The following CDC14B variants were observed in gnomAD, a reference collection of about 807,000 sequenced individuals.
The protein encoded by CDC14B is cell division cycle 14B, also known as dual specificity protein phosphatase CDC14B.
Under a neutral mutation model 64.2 loss-of-function variants are expected in CDC14B, and 22 were observed. The observed-to-expected ratio is 0.34, with a 90% CI of 0.24 to 0.49. The LOEUF (loss-of-function observed/expected upper bound fraction) is 0.49. CDC14B is among the 20% of genes least tolerant of loss of function. The pLI is 0.99. For missense variants in CDC14B, 498 were observed against 629.9 expected (o/e 0.79, Z 2.24); for synonymous variants, 191 against 215.8 (o/e 0.89, Z 1.01).
At chr9:96,539,333 A>T (rs1045023991) in intron 6 of CDC14B, among the ~76,000 whole-genome samples, 193 bp from the exon 7 acceptor site, 23 of 152,152 alleles carry the variant, frequency 1.5e-4, no homozygotes, top group African/African-American at 5.3e-4. Context: ...AATTAATTAT[A>T]ACTATATGTA....
chr9:96,614,496 TA>T (rs2119062056), intron 1 of CDC14B, among the ~76,000 whole-genome samples: 1 of 152,034 alleles, frequency 6.6e-6, no homozygotes, highest in East Asian at 1.9e-4. Flanking sequence ...TCAGAAATTT[TA>T]AAAATAAAAA....
chr9:96,558,564 A>G (rs1482628972), intron 4 of CDC14B, among the ~76,000 whole-genome samples: 4 of 152,230 alleles, frequency 2.6e-5, no homozygotes, highest in African/African-American at 9.6e-5. Context: ...GATTTTTTAA[A>G]TTTCTCAAGA....
chr9:96,553,008 A>T (rs975738425), intron 4 of CDC14B, among the ~76,000 whole-genome samples: 2 of 152,260 alleles, frequency 1.3e-5, no homozygotes, highest in African/African-American at 4.8e-5. Context: ...TGTTTCCACA[A>T]CCAAATGTGA....
chr9:96,588,060 T>C (rs932655170), intron 1 of CDC14B, among the ~76,000 whole-genome samples: 3 of 152,112 alleles, frequency 2.0e-5, no homozygotes, highest in African/African-American at 4.8e-5. Flanking sequence ...ACCCACATCA[T>C]AGAAAGTTTC....
intron 1 of CDC14B, among the ~76,000 whole-genome samples, chr9:96,618,287 C>T (rs1208739672): frequency 6.6e-6 from 1 of 152,216 alleles, no homozygotes; most frequent in Non-Finnish European, 1.5e-5. Context: ...ACATTCCCCG[C>T]CACTGAAAAC....
chr9:96,586,525 A>G (rs1315902199), intron 1 of CDC14B, among the ~76,000 whole-genome samples: 2 of 152,096 alleles, frequency 1.3e-5, no homozygotes, highest in Non-Finnish European at 2.9e-5. Context: ...GCCTTGACCT[A>G]CTGGGCTCAG....
In CDC14B at chr9:96,562,707, C is replaced by T; in HGVS notation, c.406G>A (p.Val136Ile). The change falls in exon 4 of 14, where the codon GTT becomes ATT. Residue 136 changes from valine (V) to isoleucine (I), a missense_variant. Val to Ile is a conservative substitution (Grantham distance 29). Transcript: ENST00000375241. ...CAAATACTTACCATGTAGCATCCAACAAGGAAGGCAGCATTTGCTTGTTTT... is the reference window on the plus strand; with the variant it reads ...CAAATACTTACCATGTAGCATCCAATAAGGAAGGCAGCATTTGCTTGTTTT... ...QRKQANAAFLVGCYMVIYLGR... is the reference protein window; with the variant it reads ...QRKQANAAFLIGCYMVIYLGR... 1 of 1,608,652 alleles carries T rather than the reference C, an allele frequency of 6.2e-7. No individual in the cohort carries two copies. The highest frequency in any genetic ancestry group is 1.7e-5 in the Admixed American group (1 of 60,002).
At chr9:96,498,497 A>T (rs1833343638), downstream of CDC14B, among the ~76,000 whole-genome samples, 1 of 151,864 alleles carries the variant, frequency 6.6e-6, no homozygotes. Context: ...CTGAACAACC[A>T]CTCTCGAGAC....
chr9:96,569,154 G>C (rs150394588), intron 1 of CDC14B, among the ~76,000 whole-genome samples: 1 of 152,132 alleles, frequency 6.6e-6, no homozygotes. Context: ...TGCATTGTAC[G>C]ATGTATTACC....
At chr9:96,497,491 T>C (rs1015535958), downstream of CDC14B, among the ~76,000 whole-genome samples, 1 of 152,114 alleles carries the variant, frequency 6.6e-6, no homozygotes, top group Non-Finnish European at 1.5e-5. Flanking sequence ...CCAAAATCAA[T>C]GTGGAAAAGC....
chr9:96,573,847 T>C (rs952182208), intron 1 of CDC14B, among the ~76,000 whole-genome samples: 4 of 151,808 alleles, frequency 2.6e-5, no homozygotes, highest in African/African-American at 7.3e-5. Flanking sequence ...ACAAAAAACA[T>C]TGTGAAAAAA....
chr9:96,585,102 A>G (rs915497753), intron 1 of CDC14B, among the ~76,000 whole-genome samples: 1 of 152,190 alleles, frequency 6.6e-6, no homozygotes, highest in East Asian at 1.9e-4. Context: ...CATATTAATA[A>G]GTAATTCTTT....
At chr9:96,533,312 C>G (rs1838780135) in intron 9 of CDC14B, among the ~76,000 whole-genome samples, 1 of 152,144 alleles carries the variant, frequency 6.6e-6, no homozygotes, top group African/African-American at 2.4e-5. Flanking sequence ...TTTCCTGTTT[C>G]TTTGTATGCC....
At chr9:96,545,330 T>A (rs961066416) in intron 5 of CDC14B, among the ~76,000 whole-genome samples, 1 of 109,280 alleles carries the variant, frequency 9.2e-6, no homozygotes, top group Non-Finnish European at 1.6e-5. Flanking sequence ...GATTATTTTC[T>A]TTTTTTTTTT....
intron 1 of CDC14B, among the ~76,000 whole-genome samples, chr9:96,592,898 T>A (rs929749165): frequency 7.2e-5 from 11 of 152,118 alleles, no homozygotes; most frequent in Admixed American, 2.6e-4. Flanking sequence ...TTATTAAATT[T>A]AAAAAAAGCC....
At chr9:96,544,549 C>T (rs1429368668) in intron 5 of CDC14B, among the ~76,000 whole-genome samples, 2 of 151,978 alleles carry the variant, frequency 1.3e-5, no homozygotes, top group African/African-American at 2.4e-5. Flanking sequence ...GGCTGGAGTG[C>T]AGTGGTGCAA....
intron 9 of CDC14B, among the ~76,000 whole-genome samples, chr9:96,524,234 C>T (rs1837224144): frequency 6.6e-6 from 1 of 152,254 alleles, no homozygotes; most frequent in African/African-American, 2.4e-5. Flanking sequence ...GCCACCACGC[C>T]TGGCCTTACG....
rs761805824 is a variant in CDC14B at position 96,566,864 on chromosome 9, G to T, written c.161-1381C>A. The T allele has an allele frequency of 1.3e-5, 21 of 1,579,060 alleles. No individual in the cohort carries two copies. The Admixed American group carries it at 3.5e-4, about 26-fold the overall frequency. ...GGGGCAGAGGCAAGGACTGCCAGCC[G>T]CCGAGAGGGGAGGCGCCGCGACCAC... On this transcript the variant is annotated intron_variant, in intron 1 of 13. Transcript: ENST00000375241.
chr9:96,587,376 A>T (rs545226123), intron 1 of CDC14B, among the ~76,000 whole-genome samples: 1 of 152,304 alleles, frequency 6.6e-6, no homozygotes, highest in East Asian at 1.9e-4. Flanking sequence ...ATCAGTTTCT[A>T]ATCTGTAGCC....
Sources: allele counts gnomAD v4.1 joint callset (sites outside exome capture counted in the v4.1 genomes callset), GRCh38; gene constraint gnomAD v4.1.1; transcripts MANE v1.5; gene names NCBI Gene and HGNC (gene_info 2026-07-23, HGNC 2026-07-21).